Variants in TPO observed in about 807,000 individuals in gnomAD.
The protein encoded by TPO is thyroid microsomal antigen.
In TPO, 78 loss-of-function variants were observed where a neutral mutation model predicts 96.9. The observed-to-expected ratio is 0.81, with a 90% CI of 0.67 to 0.97. The LOEUF (loss-of-function observed/expected upper bound fraction) is 0.97, where lower values mean the gene tolerates loss of function less well. Ranked by LOEUF, TPO falls within the 50% of genes least tolerant of loss-of-function variation. The pLI, the probability that TPO is intolerant of heterozygous loss-of-function variation, is 0.00. For missense variants in TPO, 1,252 were observed against 1,274.8 expected, an observed-to-expected ratio of 0.98 and a Z score of 0.27; for synonymous variants, 547 against 538.0, an observed-to-expected ratio of 1.02 and a Z score of -0.23.
At chr2:1,415,509 A>T (rs894946556) in intron 2 of TPO, among the ~76,000 whole-genome samples, 4 of 147,764 alleles carry the variant, frequency 2.7e-5, no homozygotes, top group Non-Finnish European at 6.0e-5. Context: ...GCCTCTGCAC[A>T]TAGTCCCGGG....
At chr2:1,523,060 C>G in intron 15 of TPO, among the ~76,000 whole-genome samples, 1 of 137,896 alleles carries the variant, frequency 7.3e-6, no homozygotes, top group East Asian at 2.4e-4. Context: ...CTGTGTGCAA[C>G]CTCACCAAAT....
At chr2:1,452,702 A>G (rs554183897) in intron 5 of TPO, among the ~76,000 whole-genome samples, 4 of 152,202 alleles carry the variant, frequency 2.6e-5, no homozygotes, top group Admixed American at 6.6e-5. Context: ...TCAGCAATCA[A>G]TTCAATAACA....
chr2:1,523,497 TCCC>T (rs1368772270), intron 15 of TPO, among the ~76,000 whole-genome samples: 1 of 27,130 alleles, frequency 3.7e-5, no homozygotes, highest in Non-Finnish European at 6.9e-5. Context: ...ACTCCCCAAA[TCCC>T]CCCGACTCTA....
At chr2:1,430,866 C>T (rs527567090) in intron 3 of TPO, among the ~76,000 whole-genome samples, 2 of 152,342 alleles carry the variant, frequency 1.3e-5, no homozygotes, top group Admixed American at 1.3e-4. Context: ...CTGGTGCCCC[C>T]ATTGTATCTT....
chr2:1,410,020 G>A (rs1166030173), upstream of TPO, among the ~76,000 whole-genome samples: 3 of 151,996 alleles, frequency 2.0e-5, no homozygotes, highest in Admixed American at 1.3e-4. Context: ...AAAGATGCTG[G>A]TCAAAAGTGA....
At chr2:1,463,216 GTGTCCATCAATTATTCAGATCC>G (rs1326799774) in intron 7 of TPO, among the ~76,000 whole-genome samples, 2 of 152,148 alleles carry the variant, frequency 1.3e-5, no homozygotes, top group Non-Finnish European at 2.9e-5. Context: ...GCAGTTAAGA[GTGTCCATCAATTATTCAGATCC>G]TGTCCATCCC....
Position 1,456,235 on chromosome 2 carries a change from G to A in TPO, c.772G>A (p.Asp258Asn). The change falls in exon 7 of 17, where the codon GAC (aspartate) becomes AAC (asparagine). Residue 258 changes from aspartate to asparagine, a missense_variant. Asp to Asn is a conservative substitution (Grantham distance 23). Coordinates refer to ENST00000329066, the MANE Select transcript of TPO (RefSeq NM_001206744.2). ...TSKAAFGGGA[D>N]CQMTCENQNP... Reference sequence around the variant, plus strand: ...CAAAGCTGCCTTCGGGGGAGGGGCTGACTGCCAGATGACTTGTGAGAACCA... The same window carrying A: ...CAAAGCTGCCTTCGGGGGAGGGGCTAACTGCCAGATGACTTGTGAGAACCA... The A allele has an allele frequency of 3.7e-6, 6 of 1,614,126 alleles. No individual in the cohort carries two copies. The highest frequency in any genetic ancestry group is 5.1e-6 in the Non-Finnish European group (6 of 1,180,036).
intron 15 of TPO, among the ~76,000 whole-genome samples, chr2:1,521,572 C>G (rs1675269797): frequency 6.6e-6 from 1 of 152,146 alleles, no homozygotes; most frequent in African/African-American, 2.4e-5. Flanking sequence ...TCTGAAGCTT[C>G]TGGTCATCTG....
chr2:1,536,614 C>T (rs1299500216), intron 15 of TPO, among the ~76,000 whole-genome samples: 13 of 58,836 alleles, frequency 2.2e-4, no homozygotes, highest in African/African-American at 8.1e-4. Context: ...TCCTCAAATG[C>T]CCCTAGCTTT....
chr2:1,413,189 CA>C (rs374170964), upstream of TPO, among the ~76,000 whole-genome samples: 452 of 152,280 alleles, frequency 3.0e-3, 3 homozygotes, highest in Non-Finnish European at 5.5e-3. Context: ...GCAAGTGTCA[CA>C]AGTCTGGATT....
At chr2:1,390,127 G>A (rs574428440) in intron 1 of TPO, among the ~76,000 whole-genome samples, 49 of 150,464 alleles carry the variant, frequency 3.3e-4, no homozygotes, top group Non-Finnish European at 2.8e-4. Flanking sequence ...CTATCAACTC[G>A]TTATTTACAT....
upstream of TPO, among the ~76,000 whole-genome samples, chr2:1,412,800 C>T (rs142870554): frequency 5.5e-4 from 83 of 152,248 alleles, no homozygotes; most frequent in African/African-American, 1.9e-3. Flanking sequence ...TGATGAGATA[C>T]AGCCTGAAAG....
rs762855706 is a variant in TPO, at chr2:1,477,339, ACTCCGGCCG to A, written c.1075_1083del (p.Ser359_Arg361del). Reference sequence around the variant, plus strand: ...CTCCGCGTCCACGCGCGCCTCCGGGACTCCGGCCGCGCCTACCTGCCCTTCGTGCCGCCA... The same window carrying A: ...CTCCGCGTCCACGCGCGCCTCCGGGACGCCTACCTGCCCTTCGTGCCGCCA... On this transcript the variant is annotated inframe_deletion, in exon 8 of 17. Coordinates refer to ENST00000329066, the MANE Select transcript of TPO (RefSeq NM_001206744.2). 1 of 1,556,290 alleles carries A rather than the reference ACTCCGGCCG, an allele frequency of 6.4e-7. No individual in the cohort carries two copies. Among genetic ancestry groups the A allele is most frequent in the Admixed American group, 1.9e-5 (1 of 51,738 alleles).
At chr2:1,473,204 C>A (rs1349645603) in intron 7 of TPO, among the ~76,000 whole-genome samples, 1 of 152,178 alleles carries the variant, frequency 6.6e-6, no homozygotes, top group Non-Finnish European at 1.5e-5. Context: ...TGCTCGAAGT[C>A]GACAGTGACC....
chr2:1,374,676 G>A (rs186918758), intron 1 of TPO, among the ~76,000 whole-genome samples: 1 of 151,126 alleles, frequency 6.6e-6, no homozygotes, highest in African/African-American at 2.4e-5. Context: ...CATCACACCA[G>A]AAAACATGAG....
Position 1,495,998 on chromosome 2 carries a change from G to A in TPO, c.2016G>A (p.Trp672Ter). Residue 672 changes from tryptophan (W) to a stop codon, truncating the protein, a stop_gained, in exon 12 of 17, where the codon TGG becomes TGA. Coordinates refer to ENST00000329066, the MANE Select transcript of TPO (RefSeq NM_001206744.2). LOFTEE classifies it high-confidence loss of function. ...GTCTCCTTCTCTGGAGGTTTTGGTG[G>A]GAGAACAGCCACGTCTTCACGGATG... ...KALRDGDWFW[W>*]ENSHVFTDAQ... 6.2e-7 allele frequency: 1 copy of A among 1,612,516 alleles called. No individual in the cohort carries two copies. Among genetic ancestry groups the A allele is most frequent in the Non-Finnish European group, 8.5e-7 (1 of 1,179,932 alleles).
chr2:1,422,391 G>GGACAGA (rs1573111092), intron 2 of TPO, among the ~76,000 whole-genome samples: 3 of 51,868 alleles, frequency 5.8e-5, no homozygotes, highest in African/African-American at 2.1e-4. Context: ...CAGGCGCCGC[G>GGACAGA]CTGGGCCATG....
intron 1 of TPO, among the ~76,000 whole-genome samples, chr2:1,377,876 A>G (rs774968233): frequency 2.0e-5 from 3 of 152,178 alleles, no homozygotes; most frequent in Non-Finnish European, 4.4e-5. Flanking sequence ...GTTGCCTGAC[A>G]TGGTTTCACT....
intron 14 of TPO, among the ~76,000 whole-genome samples, chr2:1,514,895 C>T (rs910822267): frequency 6.6e-6 from 1 of 152,156 alleles, no homozygotes; most frequent in African/African-American, 2.4e-5. Flanking sequence ...TGTGGGTCTG[C>T]CGTTTGCTGG....
Sources: gnomAD v4.1 joint callset for allele counts (sites outside exome capture counted in the v4.1 genomes callset) on GRCh38, gnomAD v4.1.1 for gene constraint, MANE v1.5 for transcripts, NCBI Gene and HGNC (gene_info 2026-07-23, HGNC 2026-07-21) for gene names.